Variants in RIMS1 observed in about 807,000 individuals in gnomAD.
The protein encoded by RIMS1 is regulating synaptic membrane exocytosis protein 1.
Under a neutral mutation model 214.1 loss-of-function variants are expected in RIMS1, and 83 were observed. The ratio of observed to expected loss-of-function variants is 0.39; its 90% CI spans 0.32 to 0.47. RIMS1 has a LOEUF of 0.47. RIMS1 is among the 20% of genes least tolerant of loss of function. The pLI is 0.99. For synonymous variants in RIMS1, 793 were observed against 786.8 expected (o/e 1.01, Z -0.13); for missense variants, 2,050 against 2,161.8 (o/e 0.95, Z 1.03).
intron 26 of RIMS1, among the ~76,000 whole-genome samples, chr6:72,295,261 G>A (rs2093946609): frequency 6.6e-6 from 1 of 151,672 alleles, no homozygotes; most frequent in Admixed American, 6.6e-5. Flanking sequence ...CAAAGAGGTG[G>A]ATATAAAGCC....
At position 72,182,632 on chromosome 6, in the gene RIMS1, G is replaced by A; in HGVS notation, c.1161G>A (p.Glu387=). The A allele has an allele frequency of 6.5e-7, 1 of 1,544,450 alleles. No homozygotes were observed. The highest frequency in any genetic ancestry group is 8.7e-7 in the Non-Finnish European group (1 of 1,144,800). ...CCCGGGTGTCCCGCGCCAGGCACGA[G>A]CGGCGCCACAGCGACGTGGCGCTCC... ...MHARVSRARH[E]RRHSDVALPR... is the part of the protein sequence containing the mutation. The change falls in exon 6 of 34, where the codon GAG becomes GAA. Residue 387 remains glutamate (E), a synonymous_variant. Coordinates refer to ENST00000521978, the MANE Select transcript of RIMS1 (RefSeq NM_014989.7).
chr6:72,084,220 T>G (rs1182730040), intron 2 of RIMS1, among the ~76,000 whole-genome samples: 1 of 152,192 alleles, frequency 6.6e-6, no homozygotes, highest in Non-Finnish European at 1.5e-5. Flanking sequence ...TGGAGTATGA[T>G]TAGACCTATT....
intron 2 of RIMS1, among the ~76,000 whole-genome samples, chr6:72,029,171 G>A (rs1817385038): frequency 6.6e-6 from 1 of 152,000 alleles, no homozygotes. Context: ...CTCTCTTTCT[G>A]CATTTTACGT....
intron 2 of RIMS1, among the ~76,000 whole-genome samples, chr6:71,972,821 A>G (rs1298667950): frequency 6.6e-6 from 1 of 152,214 alleles, no homozygotes; most frequent in Non-Finnish European, 1.5e-5. Context: ...TAAATACAAT[A>G]CTAAAATGCG....
At chr6:72,280,076 A>G (rs2089286310) in intron 23 of RIMS1, among the ~76,000 whole-genome samples, 1 of 151,938 alleles carries the variant, frequency 6.6e-6, no homozygotes, top group Non-Finnish European at 1.5e-5. Context: ...GAGGCAAACT[A>G]GATTTTATAG....
chr6:72,253,479 G>A (rs2074368828), intron 16 of RIMS1, among the ~76,000 whole-genome samples: 1 of 152,160 alleles, frequency 6.6e-6, no homozygotes, highest in African/African-American at 2.4e-5. Context: ...TCAGAAAAGT[G>A]TAAAATCAAG....
intron 2 of RIMS1, among the ~76,000 whole-genome samples, chr6:72,033,521 C>T (rs1374497438): frequency 6.6e-6 from 1 of 152,144 alleles, no homozygotes; most frequent in Non-Finnish European, 1.5e-5. Flanking sequence ...TCTTGTTGCC[C>T]AGGCTGGAGT....
chr6:71,971,826 C>T (rs529784744), intron 2 of RIMS1, among the ~76,000 whole-genome samples: 1 of 152,268 alleles, frequency 6.6e-6, no homozygotes, highest in African/African-American at 2.4e-5. Flanking sequence ...ATTCAATTAC[C>T]TCCCACTGGG....
Position 72,155,874 on chromosome 6 carries a change from G to GT in RIMS1, c.472-23700dup, listed in dbSNP as rs1169870924. Among the ~76,000 whole-genome samples, 22 of 140,150 alleles carry GT rather than the reference G, an allele frequency of 1.6e-4. 6 individuals are homozygous for GT. The Admixed American group carries it at 1.6e-3, about 10-fold the overall frequency. 91.9% of individuals were successfully genotyped at this position (140,150 alleles called of 152,430 possible). ...ATATCACTGGCCCGTAGGTATATCA[G>GT]TAGGGGCTCAACATCACTAATCATC... On this transcript the variant is annotated intron_variant, in intron 4 of 33. Coordinates refer to ENST00000521978, the MANE Select transcript of RIMS1 (RefSeq NM_014989.7).
At chr6:72,012,702 T>C (rs1455854198) in intron 2 of RIMS1, among the ~76,000 whole-genome samples, 3 of 152,148 alleles carry the variant, frequency 2.0e-5, no homozygotes, top group Non-Finnish European at 4.4e-5. Context: ...AGCAAGGTTA[T>C]AATAAAGCTG....
At chr6:72,219,785 G>A (rs1305428989) in intron 6 of RIMS1, among the ~76,000 whole-genome samples, 1 of 151,374 alleles carries the variant, frequency 6.6e-6, no homozygotes, top group Non-Finnish European at 1.5e-5. Context: ...GGTTCAAATT[G>A]CAACAACTTT....
chr6:71,948,045 T>C (rs1788414893), intron 1 of RIMS1, among the ~76,000 whole-genome samples: 1 of 152,150 alleles, frequency 6.6e-6, no homozygotes, highest in Non-Finnish European at 1.5e-5. Context: ...TAAATGAATG[T>C]GTTCAAGATA....
Position 72,113,917 on chromosome 6 carries a change from C to T in RIMS1, c.471+13931C>T, listed in dbSNP as rs549702329. ...CTTTTTAATCATTTCACTCCTTGCC[C>T]TAAAATACATAAAAAGACACCAATA... is the stretch of plus-strand genomic sequence containing the variant. On this transcript the variant is annotated intron_variant, in intron 4 of 33. Transcript: ENST00000521978. Among the ~76,000 whole-genome samples, 805 of 152,064 alleles carry T rather than the reference C, an allele frequency of 5.3e-3. 4 individuals carry two copies. The highest frequency in any genetic ancestry group is 0.019 in the African/African-American group (785 of 41,504).
intron 4 of RIMS1, among the ~76,000 whole-genome samples, chr6:72,107,215 A>G (rs773684619): frequency 6.6e-6 from 1 of 152,178 alleles, no homozygotes; most frequent in Non-Finnish European, 1.5e-5. Context: ...TACTCTGATA[A>G]GCACCTGGCT....
intron 4 of RIMS1, among the ~76,000 whole-genome samples, chr6:72,140,702 T>A (rs1587933599): frequency 6.6e-6 from 1 of 152,042 alleles, no homozygotes; most frequent in African/African-American, 2.4e-5. Context: ...GTTTTTGAGA[T>A]CAGAAAAGAA....
intron 4 of RIMS1, among the ~76,000 whole-genome samples, chr6:72,145,393 C>T (rs572767663): frequency 7.9e-5 from 12 of 152,154 alleles, no homozygotes; most frequent in Non-Finnish European, 1.5e-4. Flanking sequence ...GGCAGGTGGT[C>T]CACAAGGCCA....
intron 2 of RIMS1, among the ~76,000 whole-genome samples, chr6:72,093,402 A>C (rs1379365348): frequency 6.6e-6 from 1 of 151,872 alleles, no homozygotes; most frequent in Non-Finnish European, 1.5e-5. Flanking sequence ...TTTTACTAGT[A>C]GTTTACACTC....
rs553592847 is a variant in RIMS1 at position 72,057,011 on chromosome 6, C to A, written c.246-39938C>A. On this transcript the variant is annotated intron_variant, in intron 2 of 33. Coordinates refer to ENST00000521978, the MANE Select transcript of RIMS1 (RefSeq NM_014989.7). ...TTTCTGAAGCTATGCTTAAGAAGAG[C>A]CTATCAGAGGGTGGAGGGTGGGAGC... 5.9e-5 allele frequency among the ~76,000 whole-genome samples: 9 copies of A among 152,028 alleles called. No individual in the cohort carries two copies. The East Asian group carries it at 1.7e-3, about 29-fold the overall frequency.
intron 4 of RIMS1, among the ~76,000 whole-genome samples, chr6:72,130,970 G>A (rs2040343598): frequency 6.6e-6 from 1 of 152,160 alleles, no homozygotes; most frequent in Non-Finnish European, 1.5e-5. Context: ...CAACAGTTCA[G>A]AAAGTGCAAA....
Sources: allele counts gnomAD v4.1 joint callset (sites outside exome capture counted in the v4.1 genomes callset), GRCh38; gene constraint gnomAD v4.1.1; transcripts MANE v1.5; gene names NCBI Gene and HGNC (gene_info 2026-07-23, HGNC 2026-07-21).